RTN4RL1: variants seen among roughly 807,000 people sequenced by gnomAD.
The protein encoded by RTN4RL1 is reticulon 4 receptor like 1.
RTN4RL1 carries 7 observed loss-of-function variants against 25.6 expected under a neutral mutation model. The ratio of observed to expected loss-of-function variants is 0.27; its 90% CI spans 0.16 to 0.51. RTN4RL1 has a LOEUF of 0.51. RTN4RL1 is among the 20% of genes least tolerant of loss of function. RTN4RL1 has a pLI of 0.97. For synonymous variants in RTN4RL1, 297 were observed against 288.2 expected, an observed-to-expected ratio of 1.03 and a Z score of -0.31; for missense variants, 500 against 615.6, an observed-to-expected ratio of 0.81 and a Z score of 1.99.
chr17:1,982,108 T>G (rs768848912), intron 1 of RTN4RL1, among the ~76,000 whole-genome samples: 40 of 150,544 alleles, frequency 2.7e-4, no homozygotes, highest in Non-Finnish European at 4.4e-4. Context: ...CAGACCAGCA[T>G]GGCCAGCATG....
At chr17:1,964,882 G>A (rs1218844713) in intron 1 of RTN4RL1, among the ~76,000 whole-genome samples, 5 of 141,096 alleles carry the variant, frequency 3.5e-5, no homozygotes, top group Admixed American at 1.5e-4. Context: ...TCCGCCTCTC[G>A]TGTTCAAGAG....
intron 1 of RTN4RL1, among the ~76,000 whole-genome samples, chr17:1,976,887 G>A (rs1299998285): frequency 2.6e-5 from 4 of 152,190 alleles, no homozygotes; most frequent in African/African-American, 9.7e-5. Context: ...GAACCTCAGC[G>A]TCTGTATCTG....
chr17:1,961,271 G>C (rs185415511), intron 1 of RTN4RL1, among the ~76,000 whole-genome samples: 1 of 152,218 alleles, frequency 6.6e-6, no homozygotes, highest in Admixed American at 6.5e-5. Context: ...GGGAAGGGGG[G>C]CCTGGAAGGA....
In RTN4RL1 at chr17:1,936,559, CGAG is replaced by C. The variant is rs760125749; in HGVS notation, c.1260_1262del (p.Ser421del). 6.4e-7 allele frequency: 1 copy of C among 1,561,106 alleles called. No homozygotes were observed. Among genetic ancestry groups the C allele is most frequent in the Admixed American group, 1.9e-5 (1 of 52,130 alleles). On this transcript the variant is annotated inframe_deletion, in exon 2 of 2. Transcript: ENST00000331238. ...GGAGGGAGGCCCCCAGGGAACTGGC[CGAG>C]GAGGCCTGCTGCACCCCGCTGGGGG...
intron 1 of RTN4RL1, among the ~76,000 whole-genome samples, chr17:1,961,965 G>T (rs890819639): frequency 6.9e-6 from 1 of 145,230 alleles, no homozygotes; most frequent in Admixed American, 6.8e-5. Flanking sequence ...AAAAAGAAAA[G>T]AAAAGAAAGA....
At chr17:1,948,133 C>A (rs1915596834) in intron 1 of RTN4RL1, among the ~76,000 whole-genome samples, 1 of 152,228 alleles carries the variant, frequency 6.6e-6, no homozygotes, top group Non-Finnish European at 1.5e-5. Flanking sequence ...CGAGAAGGGG[C>A]TTTAGCCCAG....
In RTN4RL1 at chr17:1,998,786, G is replaced by C. The variant is rs1186492514; in HGVS notation, c.13+26067C>G. On this transcript the variant is annotated intron_variant, in intron 1 of 1. Transcript: ENST00000331238. The surrounding 1 kb of genome is among the most constrained non-coding windows in gnomAD (Gnocchi z 4.9). ...CGCGCACGGGGACCCCGGGGTGGGG[G>C]TGGGGGTGGGGCTCTGCGAGGGCCC... Among the ~76,000 whole-genome samples the C allele has an allele frequency of 1.3e-5, 2 of 151,802 alleles. No homozygotes were observed. Among genetic ancestry groups the C allele is most frequent in the African/African-American group, 4.8e-5 (2 of 41,354 alleles).
At chr17:1,955,655 C>T (rs962516247) in intron 1 of RTN4RL1, among the ~76,000 whole-genome samples, 15 of 151,734 alleles carry the variant, frequency 9.9e-5, no homozygotes, top group African/African-American at 3.6e-4. Context: ...GCGATCTCGG[C>T]TCACTGCAAC....
At chr17:1,968,628 C>T (rs953957467) in intron 1 of RTN4RL1, among the ~76,000 whole-genome samples, 2 of 152,194 alleles carry the variant, frequency 1.3e-5, no homozygotes, top group African/African-American at 4.8e-5. Context: ...TGCCATGTTC[C>T]CTCCCATCCC....
chr17:1,972,928 C>T (rs745851419), intron 1 of RTN4RL1, among the ~76,000 whole-genome samples: 1 of 152,324 alleles, frequency 6.6e-6, no homozygotes, highest in East Asian at 1.9e-4. Flanking sequence ...GATGAAGCAG[C>T]GGCCGAAATG....
chr17:2,008,962 C>T (rs999719881), intron 1 of RTN4RL1, among the ~76,000 whole-genome samples: 3 of 152,180 alleles, frequency 2.0e-5, no homozygotes, highest in African/African-American at 7.2e-5. Context: ...CAGACTGAGC[C>T]TCAGCCCAGG....
chr17:1,961,131 T>C (rs1006608800), intron 1 of RTN4RL1, among the ~76,000 whole-genome samples: 34 of 152,232 alleles, frequency 2.2e-4, no homozygotes, highest in African/African-American at 7.0e-4. Flanking sequence ...CAGCAATTAT[T>C]TGTGGATTGA....
At chr17:2,023,433 C>T (rs545560659) in intron 1 of RTN4RL1, among the ~76,000 whole-genome samples, 3 of 152,320 alleles carry the variant, frequency 2.0e-5, no homozygotes, top group Admixed American at 2.0e-4. Context: ...GGCGTTTCCC[C>T]CTGAACTGCA....
rs1274740241 is a variant in RTN4RL1, at chr17:1,994,090, G to A, written c.13+30763C>T. ...CCCGTTCCTCAGGACACGTGCACTC[G>A]AACCTCGCCGCTCCGGGTCCCAATC... On this transcript the variant is annotated intron_variant, in intron 1 of 1. Transcript: ENST00000331238. The surrounding 1 kb of genome is among the most constrained non-coding windows in gnomAD (Gnocchi z 4.3). 1.3e-5 allele frequency among the ~76,000 whole-genome samples: 2 copies of A among 151,868 alleles called. No homozygotes were observed. Among genetic ancestry groups the A allele is most frequent in the African/African-American group, 2.4e-5 (1 of 41,308 alleles).
At chr17:1,966,958 C>T (rs1048011604) in intron 1 of RTN4RL1, among the ~76,000 whole-genome samples, 11 of 152,184 alleles carry the variant, frequency 7.2e-5, no homozygotes, top group African/African-American at 2.7e-4. Context: ...AGCATCCTCA[C>T]ACATCCCTCC....
At chr17:1,956,782 G>A (rs1262776747) in intron 1 of RTN4RL1, among the ~76,000 whole-genome samples, 1 of 142,808 alleles carries the variant, frequency 7.0e-6, no homozygotes, top group Non-Finnish European at 1.5e-5. Flanking sequence ...TCACTCTGTC[G>A]CCCAGGCTAG....
At position 1,937,310 on chromosome 17, in the gene RTN4RL1, T is replaced by G. The variant is rs1178400594; in HGVS notation, c.512A>C (p.Asp171Ala). The change falls in exon 2 of 2, where the codon GAC becomes GCC. Residue 171 changes from aspartate to alanine, a missense_variant. Coordinates refer to ENST00000331238, the MANE Select transcript of RTN4RL1 (RefSeq NM_178568.4). Reference sequence around the variant, plus strand: ...AAACAGGTGGCTGAGGTTGACCAGGTCCACGAAGATGTCGTCCTGGAGGTA... The same window carrying G: ...AAACAGGTGGCTGAGGTTGACCAGGGCCACGAAGATGTCGTCCTGGAGGTA... ...IEYLQDDIFV[D>A]LVNLSHLFLH... 6.2e-7 allele frequency: 1 copy of G among 1,613,336 alleles called. No individual in the cohort carries two copies. The highest frequency in any genetic ancestry group is 1.7e-5 in the Admixed American group (1 of 60,012).
intron 1 of RTN4RL1, among the ~76,000 whole-genome samples, chr17:1,939,039 C>T (rs1915375975): frequency 6.6e-6 from 1 of 150,392 alleles, no homozygotes. Context: ...AAGTGAGATT[C>T]TGTCTCAAAA....
chr17:1,957,313 G>GTTTGCCT (rs1440822915), intron 1 of RTN4RL1, among the ~76,000 whole-genome samples: 1 of 152,086 alleles, frequency 6.6e-6, no homozygotes, highest in Non-Finnish European at 1.5e-5. Context: ...CCTTTCCTCT[G>GTTTGCCT]TTTGCCTTCC....
Sources: allele counts gnomAD v4.1 joint callset (sites outside exome capture counted in the v4.1 genomes callset), GRCh38; gene constraint gnomAD v4.1.1; non-coding constraint Gnocchi (gnomAD v3.1); transcripts MANE v1.5; gene names NCBI Gene and HGNC (gene_info 2026-07-23, HGNC 2026-07-21).